The following UNC79 variants were observed in gnomAD, a reference collection of about 807,000 sequenced individuals.
UNC79 encodes the protein protein unc-79 homolog.
UNC79 carries 37 observed loss-of-function variants against 283.1 expected under a neutral mutation model. That is an observed-to-expected ratio of 0.13 (90% CI 0.10 to 0.17). The LOEUF (loss-of-function observed/expected upper bound fraction) is 0.17. Among genes scored for constraint, UNC79 ranks in the 10% least tolerant of loss-of-function variants. The probability of loss-of-function intolerance (pLI) is 1.00; values close to 1 mark genes in which losing one functional copy is unlikely to be tolerated. For missense variants in UNC79, 2,272 were observed against 3,211.1 expected (o/e 0.71, Z 7.07); for synonymous variants, 1,107 against 1,200.2 (o/e 0.92, Z 1.61).
rs930284988 is a variant in UNC79 at position 93,528,502 on chromosome 14, A to G, written c.964-56A>G. 8.0e-6 allele frequency: 12 copies of G among 1,503,580 alleles called. No individual in the cohort carries two copies. The African/African-American group carries it at 1.5e-4, about 19-fold the overall frequency. 93.1% of individuals were successfully genotyped at this position (1,503,580 alleles called of 1,614,324 possible). A position where few individuals can be genotyped will look rare whatever the true frequency, so the allele number is the denominator to read the frequency against. ...ATTGAAGCATTTGTGCTTAGAATAT[A>G]GGGAATGTGATACCCAGGAACAGGA... On this transcript the variant is annotated intron_variant, in intron 8 of 48. Coordinates refer to ENST00000555664, the Ensembl canonical transcript of UNC79.
intron 3 of UNC79, among the ~76,000 whole-genome samples, chr14:93,476,037 C>T (rs539662217): frequency 7.9e-5 from 12 of 152,236 alleles, no homozygotes; most frequent in Admixed American, 2.6e-4. Flanking sequence ...TGAAAAACAT[C>T]GGAATCACTG....
chr14:93,348,190 A>T, intron 1 of UNC79: 1 of 914,196 alleles, frequency 1.1e-6, no homozygotes, highest in South Asian at 1.3e-5. Flanking sequence ...TTTGTTAACG[A>T]GCAAAATTGC....
chr14:93,437,877 C>A (rs2056147951), intron 1 of UNC79, among the ~76,000 whole-genome samples: 1 of 152,122 alleles, frequency 6.6e-6, no homozygotes. Flanking sequence ...TCCAGTATGA[C>A]CTTATCTTAA....
At chr14:93,626,153 G>A (rs2067554847) in intron 30 of UNC79, among the ~76,000 whole-genome samples, 1 of 152,084 alleles carries the variant, frequency 6.6e-6, no homozygotes, top group Admixed American at 6.5e-5. Flanking sequence ...ATATTTTCCT[G>A]GTCCATTCAC....
intron 27 of UNC79, among the ~76,000 whole-genome samples, chr14:93,614,581 A>G (rs557270412): frequency 6.6e-6 from 1 of 151,898 alleles, no homozygotes; most frequent in African/African-American, 2.4e-5. Flanking sequence ...GGCCTCCCAA[A>G]GTGCTAGAAT....
intron 5 of UNC79, among the ~76,000 whole-genome samples, chr14:93,489,286 C>T (rs2058609387): frequency 6.6e-6 from 1 of 152,118 alleles, no homozygotes; most frequent in African/African-American, 2.4e-5. Flanking sequence ...AGTATTCCAC[C>T]CTATTTTCTG....
chr14:93,347,238 C>A, intron 1 of UNC79: 4 of 1,580,814 alleles, frequency 2.5e-6, no homozygotes, highest in Non-Finnish European at 3.4e-6. Flanking sequence ...CCTGTGCTGT[C>A]CACGCCTGGC....
intron 16 of UNC79, among the ~76,000 whole-genome samples, chr14:93,574,593 T>G (rs1330223305): frequency 6.6e-6 from 1 of 152,232 alleles, no homozygotes; most frequent in East Asian, 1.9e-4. Flanking sequence ...TAATTCTGTC[T>G]GAAGGAAGAA....
intron 14 of UNC79, among the ~76,000 whole-genome samples, chr14:93,551,081 G>A (rs1042627574): frequency 1.3e-4 from 20 of 151,856 alleles, no homozygotes; most frequent in Non-Finnish European, 2.4e-4. Flanking sequence ...ACGGAGTCTC[G>A]CTCTGTAGCC....
chr14:93,636,709 T>G (rs550759043), intron 31 of UNC79, among the ~76,000 whole-genome samples: 1 of 152,258 alleles, frequency 6.6e-6, no homozygotes, highest in African/African-American at 2.4e-5. Flanking sequence ...GAACAAACAT[T>G]TTTGAAGCAC....
intron 1 of UNC79, among the ~76,000 whole-genome samples, chr14:93,360,528 G>T (rs765151199): frequency 1.2e-4 from 18 of 152,208 alleles, no homozygotes; most frequent in South Asian, 4.1e-4. Flanking sequence ...TACCTGGTAT[G>T]CAGCCATTGA....
In UNC79 at chr14:93,668,729, C is replaced by T. The variant is rs1392970760; in HGVS notation, c.6637-4622C>T. ...GCATAATGGCACGCACCTGTAGTCC[C>T]ATTGCTTGGGAGGCTGAGGTGGGAG... On this transcript the variant is annotated intron_variant, in intron 40 of 48. Transcript: ENST00000555664. 2.6e-5 allele frequency among the ~76,000 whole-genome samples: 4 copies of T among 151,338 alleles called. No homozygotes were observed. The East Asian group carries it at 7.8e-4, about 30-fold the overall frequency.
In UNC79 at chr14:93,438,478, GA is replaced by G. The variant is rs1322836562; in HGVS notation, c.22+7430del. Among the ~76,000 whole-genome samples the G allele has an allele frequency of 3.9e-5, 6 of 152,058 alleles. No homozygotes were observed. The East Asian group carries it at 1.2e-3, about 29-fold the overall frequency. ...TAGATCTCTAAAAAAATAGGAAGTT[GA>G]AATGAACTTGGGATGACTTATTCAC... On this transcript the variant is annotated intron_variant, in intron 1 of 48. Coordinates refer to ENST00000555664, the Ensembl canonical transcript of UNC79.
At chr14:93,565,915 A>G (rs988059232) in intron 14 of UNC79, among the ~76,000 whole-genome samples, 3 of 152,186 alleles carry the variant, frequency 2.0e-5, no homozygotes, top group African/African-American at 7.2e-5. Context: ...CTGTGTGGGT[A>G]TCTATTCGGT....
intron 33 of UNC79, 51 bp downstream of exon 36, chr14:93,641,298 G>A: frequency 6.5e-7 from 1 of 1,542,480 alleles, no homozygotes; most frequent in Non-Finnish European, 8.9e-7. Flanking sequence ...TTTAAGTTTG[G>A]TTACCACAGT....
intron 1 of UNC79, among the ~76,000 whole-genome samples, chr14:93,406,660 T>C (rs1407624398): frequency 2.0e-5 from 3 of 152,152 alleles, no homozygotes; most frequent in African/African-American, 7.2e-5. Context: ...AACCTTATGA[T>C]CATCCTAAAA....
chr14:93,348,166 GA>G, intron 1 of UNC79: 2 of 1,217,922 alleles, frequency 1.6e-6, no homozygotes, highest in South Asian at 1.2e-5. Context: ...AAAACTTTCA[GA>G]AAAAGCTGTG....
intron 42 of UNC79, among the ~76,000 whole-genome samples, chr14:93,684,532 GA>G (rs149647907): frequency 0.024 from 3,627 of 152,038 alleles, 115 homozygotes; most frequent in African/African-American, 0.074. Context: ...TAATTAATTG[GA>G]AAATGCTTAT....
chr14:93,540,709 A>C, exon 13 of UNC79: 1 of 1,613,944 alleles, frequency 6.2e-7, no homozygotes, highest in South Asian at 1.1e-5. Flanking sequence ...ACATGAGCTG[A>C]ACCGGCGGCG....
Sources: allele counts gnomAD v4.1 joint callset (sites outside exome capture counted in the v4.1 genomes callset), GRCh38; gene constraint gnomAD v4.1.1; transcripts MANE v1.5; gene names NCBI Gene and HGNC (gene_info 2026-07-23, HGNC 2026-07-21).